DCT: variants seen among roughly 807,000 people sequenced by gnomAD.
The protein encoded by DCT is L-dopachrome tautomerase.
DCT carries 47 observed loss-of-function variants against 53.0 expected under a neutral mutation model. The ratio of observed to expected loss-of-function variants is 0.89; its 90% CI spans 0.70 to 1.13. The LOEUF (loss-of-function observed/expected upper bound fraction) is 1.13, where lower values mean the gene tolerates loss of function less well. Among genes scored for constraint, DCT ranks in the 50% most tolerant of loss-of-function variants. The pLI, the probability that DCT is intolerant of heterozygous loss-of-function variation, is 0.00. For missense variants in DCT, 669 were observed against 637.4 expected, an observed-to-expected ratio of 1.05 and a Z score of -0.53; for synonymous variants, 244 against 237.0, an observed-to-expected ratio of 1.03 and a Z score of -0.27.
intron 4 of DCT, among the ~76,000 whole-genome samples, chr13:94,462,415 G>A (rs1001197708): frequency 7.9e-5 from 12 of 151,702 alleles, no homozygotes; most frequent in Admixed American, 2.0e-4. Flanking sequence ...CAGGAGAATC[G>A]CTTGAACCCA....
chr13:94,526,500 G>A, the DCT span, among the ~76,000 whole-genome samples: 1 of 152,134 alleles, frequency 6.6e-6, no homozygotes, highest in Non-Finnish European at 1.5e-5. Flanking sequence ...GCTGGGCATG[G>A]TGGCATGCAC....
At chr13:94,487,852 T>G in the DCT span, among the ~76,000 whole-genome samples, 1 of 151,972 alleles carries the variant, frequency 6.6e-6, no homozygotes, top group South Asian at 2.1e-4. Flanking sequence ...CTGATAAGAG[T>G]TTTGCTTTCT....
chr13:94,531,189 C>T, the DCT span, among the ~76,000 whole-genome samples: 1 of 152,118 alleles, frequency 6.6e-6, no homozygotes, highest in Admixed American at 6.5e-5. Context: ...TAGGAAGAAT[C>T]AATATCATGA....
intron 1 of DCT, 69 bp from the exon 2 acceptor site, chr13:94,469,114 T>G: frequency 7.5e-7 from 1 of 1,326,016 alleles, no homozygotes; most frequent in Admixed American, 1.8e-5. Flanking sequence ...TCTGAATTTG[T>G]ACTCTGAAAT....
At chr13:94,547,962 C>CA in the DCT span, among the ~76,000 whole-genome samples, 337 of 67,722 alleles carry the variant, frequency 5.0e-3, no homozygotes, top group Non-Finnish European at 6.9e-3. Flanking sequence ...AACTCCGTCT[C>CA]AAAAAAAAAA....
At chr13:94,508,466 G>A in the DCT span, among the ~76,000 whole-genome samples, 1 of 152,170 alleles carries the variant, frequency 6.6e-6, no homozygotes. Context: ...CTGGGGAAAG[G>A]GGAGTAGGCA....
At chr13:94,467,015 G>T (rs1028805) in intron 2 of DCT, 55,672 of 156,380 alleles carry the variant, frequency 0.36, 11,048 homozygotes, top group African/African-American at 0.52. Flanking sequence ...AAGACCTAAA[G>T]GAAATATATT....
At chr13:94,521,646 G>A in the DCT span, among the ~76,000 whole-genome samples, 473 of 152,212 alleles carry the variant, frequency 3.1e-3, 2 homozygotes, top group African/African-American at 0.011. Context: ...CTCCAGCCTG[G>A]GCAACAGAGT....
At chr13:94,495,633 T>C in the DCT span, among the ~76,000 whole-genome samples, 1 of 152,212 alleles carries the variant, frequency 6.6e-6, no homozygotes, top group African/African-American at 2.4e-5. Context: ...TATAACATGC[T>C]ACCTTTTTGG....
At chr13:94,520,710 GA>G in the DCT span, among the ~76,000 whole-genome samples, 1 of 151,756 alleles carries the variant, frequency 6.6e-6, no homozygotes, top group Non-Finnish European at 1.5e-5. Context: ...GGTGGGTAGA[GA>G]AAAAAAAGGA....
intron 4 of DCT, among the ~76,000 whole-genome samples, chr13:94,464,666 A>C (rs966709754): frequency 2.6e-5 from 4 of 151,958 alleles, no homozygotes; most frequent in Admixed American, 1.3e-4. Flanking sequence ...AAAAACAAAA[A>C]ACAAAACAAA....
Position 94,478,975 on chromosome 13 carries a change from G to T in DCT, c.281C>A (p.Thr94Asn). The change falls in exon 1 of 8, where the codon ACC becomes AAC. Residue 94 changes from threonine to asparagine, a missense_variant. Transcript: ENST00000377028. Reference protein sequence around the residue: ...ELWPRKFFHRTCKCTGNFAGY... With the variant: ...ELWPRKFFHRNCKCTGNFAGY... ...ATGGGCCTCACCTGTGCACTTGCAG[G>T]TCCGGTGGAAGAATTTTCTTGGCCA... The T allele has an allele frequency of 6.2e-7, 1 of 1,610,624 alleles. No individual in the cohort carries two copies. Among genetic ancestry groups the T allele is most frequent in the Non-Finnish European group, 8.5e-7 (1 of 1,177,514 alleles).
the DCT span, among the ~76,000 whole-genome samples, chr13:94,540,549 T>G: frequency 6.6e-6 from 1 of 152,062 alleles, no homozygotes; most frequent in East Asian, 1.9e-4. Context: ...AACAGGTACA[T>G]GAAAAAATGC....
chr13:94,490,507 A>AAAAAAAAAAAAC, the DCT span, among the ~76,000 whole-genome samples: 1 of 129,148 alleles, frequency 7.7e-6, no homozygotes, highest in African/African-American at 3.5e-5. Context: ...TCGGTCTCAA[A>AAAAAAAAAAAAC]AAAAAAAAAA....
chr13:94,477,149 G>T (rs1434818607), intron 1 of DCT, among the ~76,000 whole-genome samples: 1 of 152,112 alleles, frequency 6.6e-6, no homozygotes, highest in African/African-American at 2.4e-5. Flanking sequence ...AGGCTGGAGT[G>T]CAGTGGTGTG....
At chr13:94,481,293 T>C (rs1206335546), upstream of DCT, among the ~76,000 whole-genome samples, 1 of 152,352 alleles carries the variant, frequency 6.6e-6, no homozygotes, top group Non-Finnish European at 1.5e-5. Context: ...TTCTGAGACA[T>C]GGACATATCT....
intron 6 of DCT, among the ~76,000 whole-genome samples, chr13:94,456,131 A>G (rs1235358122): frequency 1.3e-5 from 2 of 152,248 alleles, no homozygotes; most frequent in African/African-American, 4.8e-5. Flanking sequence ...GGCGTCACAG[A>G]TAAGCCCCCA....
the DCT span, among the ~76,000 whole-genome samples, chr13:94,509,119 T>G: frequency 3.9e-5 from 6 of 152,262 alleles, no homozygotes; most frequent in African/African-American, 1.4e-4. Context: ...GCAAACTGAA[T>G]GGGTATTTGG....
chr13:94,530,997 C>A, the DCT span, among the ~76,000 whole-genome samples: 2 of 152,128 alleles, frequency 1.3e-5, no homozygotes, highest in African/African-American at 4.8e-5. Context: ...ACACCATTAA[C>A]AGACAAAAAG....
Sources: gnomAD v4.1 joint callset for allele counts (sites outside exome capture counted in the v4.1 genomes callset) on GRCh38, gnomAD v4.1.1 for gene constraint, MANE v1.5 for transcripts, NCBI Gene and HGNC (gene_info 2026-07-23, HGNC 2026-07-21) for gene names.